The following RABGAP1L variants were observed in gnomAD, a reference collection of about 807,000 sequenced individuals.
RABGAP1L encodes rab GTPase-activating protein 1-like.
Under a neutral mutation model 137.7 loss-of-function variants are expected in RABGAP1L, and 63 were observed. The ratio of observed to expected loss-of-function variants is 0.46; its 90% confidence interval spans 0.37 to 0.56. The LOEUF (loss-of-function observed/expected upper bound fraction) is 0.56. RABGAP1L is among the 20% of genes least tolerant of loss of function. The pLI, the probability that RABGAP1L is intolerant of heterozygous loss-of-function variation, is 0.00. For synonymous variants in RABGAP1L, 431 were observed against 433.7 expected (o/e 0.99, Z 0.08); for missense variants, 1,095 against 1,244.0 (o/e 0.88, Z 1.80).
At chr1:174,430,348 ACT>A (rs1430950277) in intron 13 of RABGAP1L, among the ~76,000 whole-genome samples, 8 of 148,886 alleles carry the variant, frequency 5.4e-5, no homozygotes, top group African/African-American at 2.0e-4. Flanking sequence ...ACAGAGCCAG[ACT>A]CTGTCTGAAA....
At chr1:174,774,578 G>A (rs1002345465) in intron 18 of RABGAP1L, among the ~76,000 whole-genome samples, 6 of 151,516 alleles carry the variant, frequency 4.0e-5, no homozygotes, top group South Asian at 2.1e-4. Context: ...TAGAAAGAGA[G>A]TGCATAAAAG....
intron 19 of RABGAP1L, among the ~76,000 whole-genome samples, chr1:174,940,127 C>G (rs1473570616): frequency 1.3e-5 from 2 of 152,144 alleles, no homozygotes; most frequent in African/African-American, 4.8e-5. Context: ...TAGACTGATT[C>G]CCATGACTAG....
chr1:174,384,699 C>A (rs921475222), intron 12 of RABGAP1L, among the ~76,000 whole-genome samples: 4 of 152,116 alleles, frequency 2.6e-5, no homozygotes, highest in Non-Finnish European at 5.9e-5. Flanking sequence ...TCTTATCCTG[C>A]AAAGTTATGT....
At chr1:174,894,797 C>T (rs527623158) in intron 19 of RABGAP1L, among the ~76,000 whole-genome samples, 1 of 152,230 alleles carries the variant, frequency 6.6e-6, no homozygotes, top group East Asian at 1.9e-4. Context: ...TGCTCTGTCG[C>T]CCTGGCTGTA....
At chr1:174,325,815 A>G (rs1028399163) in intron 11 of RABGAP1L, among the ~76,000 whole-genome samples, 3 of 152,174 alleles carry the variant, frequency 2.0e-5, no homozygotes, top group Admixed American at 2.0e-4. Flanking sequence ...GTGGCTCATG[A>G]TACCTGCCAT....
Position 174,993,283 on chromosome 1 carries a change from C to G in RABGAP1L, c.*3282C>G, listed in dbSNP as rs1672174525. Reference sequence around the variant, plus strand: ...AATGCCATTCAACCAGTGTCTTCTGCCCCTCTCCCAGCTGTTAAATTAGTA... The same window carrying G: ...AATGCCATTCAACCAGTGTCTTCTGGCCCTCTCCCAGCTGTTAAATTAGTA... On this transcript the variant is annotated 3_prime_UTR_variant, in exon 26 of 26. Transcript: ENST00000681986. 6.6e-6 allele frequency: 1 copy of G among 152,196 alleles called. No individual in the cohort carries two copies. Among genetic ancestry groups the G allele is most frequent in the Admixed American group, 6.5e-5 (1 of 15,280 alleles). The allele number at this position is 152,196 out of a possible 1,614,324, so 9.4% of individuals were successfully genotyped here.
intron 1 of RABGAP1L, among the ~76,000 whole-genome samples, chr1:174,174,542 C>T (rs1665681003): frequency 6.6e-6 from 1 of 152,180 alleles, no homozygotes. Context: ...ACCAGTAGCT[C>T]ATTTCAAGTC....
chr1:174,636,324 C>G (rs1296674542), intron 13 of RABGAP1L, among the ~76,000 whole-genome samples: 1 of 152,156 alleles, frequency 6.6e-6, no homozygotes, highest in South Asian at 2.1e-4. Context: ...TGAGACCAGC[C>G]TGTTCCAACA....
chr1:174,909,135 C>T lies in RABGAP1L; in HGVS notation c.2341-48322C>T, dbSNP rs147987444. On this transcript the variant is annotated intron_variant, in intron 19 of 25. Transcript: ENST00000681986. ...CAGAGGTTGCAGTGAGCCAAGATCGCGCCACTCTACTCCAACCTGGGCAAC... is the reference window on the plus strand; with the variant it reads ...CAGAGGTTGCAGTGAGCCAAGATCGTGCCACTCTACTCCAACCTGGGCAAC... Among the ~76,000 whole-genome samples the T allele has an allele frequency of 1.3e-3, 199 of 148,832 alleles. 1 individual carries two copies. The highest frequency in any genetic ancestry group is 4.8e-3 in the African/African-American group (194 of 40,468).
chr1:174,813,861 T>G (rs144164509), intron 19 of RABGAP1L, among the ~76,000 whole-genome samples: 27 of 152,280 alleles, frequency 1.8e-4, no homozygotes, highest in African/African-American at 6.3e-4. Flanking sequence ...AGAGAAGTAT[T>G]GTAAATTGGG....
At chr1:174,405,217 T>C in intron 13 of RABGAP1L, among the ~76,000 whole-genome samples, 1 of 152,236 alleles carries the variant, frequency 6.6e-6, no homozygotes, top group East Asian at 1.9e-4. Context: ...ACATCGTTTT[T>C]TATTTGTTAA....
At position 174,761,717 on chromosome 1, in the gene RABGAP1L, C is replaced by G. The variant is rs772383325; in HGVS notation, c.2211+9363C>G. Among the ~76,000 whole-genome samples, 3 of 152,156 alleles carry G rather than the reference C, an allele frequency of 2.0e-5. No individual in the cohort carries two copies. Among genetic ancestry groups the G allele is most frequent in the Non-Finnish European group, 2.9e-5 (2 of 68,022 alleles). Reference sequence around the variant, plus strand: ...AACTCCCGTTTTTAAAACATCAGATCTCATGAGACTATTCACTACCAGGAG... The same window carrying G: ...AACTCCCGTTTTTAAAACATCAGATGTCATGAGACTATTCACTACCAGGAG... On this transcript the variant is annotated intron_variant, in intron 18 of 25. Transcript: ENST00000681986. This position sits in a 1 kb window ranked among gnomAD's most constrained non-coding sequence, Gnocchi z 4.0.
intron 19 of RABGAP1L, among the ~76,000 whole-genome samples, chr1:174,864,533 GC>G: frequency 6.6e-6 from 1 of 152,280 alleles, no homozygotes; most frequent in South Asian, 2.1e-4. Context: ...AAGAATGCGA[GC>G]AAAATGGGGA....
chr1:174,246,053 A>G (rs1013360135), intron 5 of RABGAP1L: 5 of 152,204 alleles, frequency 3.3e-5, no homozygotes, highest in Non-Finnish European at 5.9e-5. Flanking sequence ...TTAAATAAAT[A>G]CCTTTGTTAC....
intron 14 of RABGAP1L, among the ~76,000 whole-genome samples, chr1:174,639,768 A>G (rs1674372124): frequency 6.6e-6 from 1 of 152,172 alleles, no homozygotes. Flanking sequence ...CAAACACAAA[A>G]ATAAAAGTTG....
chr1:174,478,954 T>G (rs1658795940), intron 13 of RABGAP1L, among the ~76,000 whole-genome samples: 1 of 152,220 alleles, frequency 6.6e-6, no homozygotes, highest in Admixed American at 6.5e-5. Context: ...GGCCTTGGCT[T>G]CGATTGCTTA....
chr1:174,889,147 G>A (rs1425404521), intron 19 of RABGAP1L, among the ~76,000 whole-genome samples: 1 of 140,784 alleles, frequency 7.1e-6, no homozygotes, highest in African/African-American at 2.6e-5. Flanking sequence ...TTTTTGAGAT[G>A]GAGTCTCGCT....
At chr1:174,801,537 A>G (rs1688757971) in intron 18 of RABGAP1L, among the ~76,000 whole-genome samples, 1 of 152,226 alleles carries the variant, frequency 6.6e-6, no homozygotes, top group Admixed American at 6.5e-5. Flanking sequence ...TGTAAATAAG[A>G]AATTTCCCAT....
In RABGAP1L at chr1:174,550,917, C is replaced by CACAT. The variant is rs1553330147; in HGVS notation, c.1711-86455_1711-86454insTACA. On this transcript the variant is annotated intron_variant, in intron 13 of 25. Coordinates refer to ENST00000681986, the MANE Select transcript of RABGAP1L (RefSeq NM_001366446.1). The stretch of plus-strand genomic sequence containing the variant: ...ATATACACACACACATATACACACA[C>CACAT]ACACATATATATATACACATATATA... Among the ~76,000 whole-genome samples the CACAT allele has an allele frequency of 6.4e-4, 62 of 96,414 alleles. 1 individual carries two copies. In the South Asian group the frequency reaches 9.4e-3, roughly 15 times the overall value. 63.3% of individuals were successfully genotyped at this position (96,414 alleles called of 152,430 possible).
Sources: allele counts gnomAD v4.1 joint callset (sites outside exome capture counted in the v4.1 genomes callset), GRCh38; gene constraint gnomAD v4.1.1; non-coding constraint Gnocchi (gnomAD v3.1); transcripts MANE v1.5; gene names NCBI Gene and HGNC (gene_info 2026-07-23, HGNC 2026-07-21).